Variants in MPP7 observed in about 807,000 individuals in gnomAD.
MPP7 encodes MAGUK p55 subfamily member 7.
MPP7 carries 60 observed loss-of-function variants against 76.5 expected under a neutral mutation model. The ratio of observed to expected loss-of-function variants is 0.78; its 90% CI spans 0.64 to 0.97. The LOEUF (loss-of-function observed/expected upper bound fraction) is 0.97. Among genes scored for constraint, MPP7 ranks in the 50% least tolerant of loss-of-function variants. The probability of loss-of-function intolerance (pLI) is 0.00; values close to 1 mark genes in which losing one functional copy is unlikely to be tolerated. For missense variants in MPP7, 641 were observed against 694.0 expected (o/e 0.92, Z 0.86); for synonymous variants, 237 against 244.5 (o/e 0.97, Z 0.29).
intron 2 of MPP7, among the ~76,000 whole-genome samples, chr10:28,315,960 T>C (rs1834315873): frequency 6.6e-6 from 1 of 152,088 alleles, no homozygotes; most frequent in Admixed American, 6.5e-5. Context: ...CAAATGCCAA[T>C]CAAGGGGCAT....
At chr10:28,113,092 C>T (rs1472936686) in intron 11 of MPP7, among the ~76,000 whole-genome samples, 1 of 152,148 alleles carries the variant, frequency 6.6e-6, no homozygotes, top group East Asian at 1.9e-4. Context: ...GACCTCTACA[C>T]CCCACGTGGA....
At chr10:28,312,740 T>C (rs1187672542) in intron 2 of MPP7, among the ~76,000 whole-genome samples, 1 of 152,246 alleles carries the variant, frequency 6.6e-6, no homozygotes, top group Non-Finnish European at 1.5e-5. Flanking sequence ...GTCATCTTTG[T>C]ACTTACCATG....
intron 1 of MPP7, among the ~76,000 whole-genome samples, chr10:28,272,909 G>GTTT (rs74345938): frequency 6.6e-6 from 1 of 151,588 alleles, no homozygotes; most frequent in Non-Finnish European, 1.5e-5. Flanking sequence ...AAAATGGTTT[G>GTTT]TTTTTTTTGT....
intron 3 of MPP7, among the ~76,000 whole-genome samples, chr10:28,173,479 T>C (rs1376513678): frequency 3.3e-5 from 5 of 152,170 alleles, no homozygotes; most frequent in Non-Finnish European, 5.9e-5. Context: ...AAGTGCACAA[T>C]ACTGCAGTAA....
intron 1 of MPP7, among the ~76,000 whole-genome samples, chr10:28,277,168 C>G (rs990855912): frequency 2.6e-5 from 4 of 151,892 alleles, no homozygotes; most frequent in Non-Finnish European, 5.9e-5. Context: ...ACCTGGGAGA[C>G]ACAGCAAGAT....
intron 2 of MPP7, among the ~76,000 whole-genome samples, chr10:28,227,293 C>T (rs529906311): frequency 2.0e-5 from 3 of 152,150 alleles, no homozygotes; most frequent in African/African-American, 7.2e-5. Context: ...ACATGGATAA[C>T]GATCTTTTTT....
intron 1 of MPP7, among the ~76,000 whole-genome samples, chr10:28,246,503 T>C (rs1471803423): frequency 6.6e-6 from 1 of 152,090 alleles, no homozygotes; most frequent in Non-Finnish European, 1.5e-5. Context: ...CACATGAAAA[T>C]ATAAAGCTCT....
Position 28,272,024 on chromosome 10 carries a change from T to G in MPP7, c.-132+30837A>C, listed in dbSNP as rs116347123. ...TGGGGCACTTACAAGGATGCATGTT[T>G]GAATAAAAAGCCAGCTCACTGCAGC... On this transcript the variant is annotated intron_variant, in intron 1 of 16. Transcript: ENST00000683449. 6.0e-3 allele frequency among the ~76,000 whole-genome samples: 909 copies of G among 152,110 alleles called. 10 individuals are homozygous for G. The highest frequency in any genetic ancestry group is 0.019 in the African/African-American group (795 of 41,524).
At chr10:28,117,756 C>T (rs1379541839) in intron 11 of MPP7, among the ~76,000 whole-genome samples, 4 of 152,076 alleles carry the variant, frequency 2.6e-5, no homozygotes, top group African/African-American at 9.7e-5. Context: ...AGAATAAAGA[C>T]ATTAGCTGCC....
intron 11 of MPP7, among the ~76,000 whole-genome samples, chr10:28,115,311 G>A (rs1834632793): frequency 6.6e-6 from 1 of 152,070 alleles, no homozygotes; most frequent in African/African-American, 2.4e-5. Flanking sequence ...CACTATGTTG[G>A]TTAGGCTGGT....
chr10:28,143,871 G>C (rs1173512917), intron 5 of MPP7, among the ~76,000 whole-genome samples: 17 of 141,280 alleles, frequency 1.2e-4, no homozygotes, highest in African/African-American at 4.6e-4. Flanking sequence ...GTGTGTGTGT[G>C]TGTGTGTGTG....
rs183384810 is a variant in MPP7 at position 28,059,460 on chromosome 10, A to G, written c.1298+190T>C. On this transcript the variant is annotated intron_variant, in intron 14 of 16. Coordinates refer to ENST00000683449, the MANE Select transcript of MPP7 (RefSeq NM_001318170.2). Reference sequence around the variant, plus strand: ...CATTTTATAGAAATGAAGCAAATCCAGGTTACTAAAAAATTAGAGGTGAAG... The same window carrying G: ...CATTTTATAGAAATGAAGCAAATCCGGGTTACTAAAAAATTAGAGGTGAAG... The G allele has an allele frequency of 2.2e-5, 11 of 495,426 alleles. No homozygotes were observed. The East Asian group carries it at 3.8e-4, about 17-fold the overall frequency. 30.7% of individuals were successfully genotyped at this position (495,426 alleles called of 1,614,324 possible).
chr10:28,098,899 C>T (rs1853688975), intron 11 of MPP7, among the ~76,000 whole-genome samples: 1 of 151,796 alleles, frequency 6.6e-6, no homozygotes, highest in Admixed American at 6.6e-5. Context: ...AGAAGTCTCA[C>T]CTAAGTAGTA....
intron 2 of MPP7, among the ~76,000 whole-genome samples, chr10:28,318,692 TAAAAG>T (rs1022735778): frequency 6.6e-6 from 1 of 151,998 alleles, no homozygotes; most frequent in African/African-American, 2.4e-5. Flanking sequence ...TATCAAAAAA[TAAAAG>T]AAAAGAAAAG....
chr10:28,173,080 G>A (rs1836737599), intron 3 of MPP7, among the ~76,000 whole-genome samples: 1 of 152,026 alleles, frequency 6.6e-6, no homozygotes, highest in African/African-American at 2.4e-5. Context: ...TAAGCCGGGG[G>A]AGGAACAACA....
In MPP7 at chr10:28,051,168, T is replaced by C. The variant is rs1241221377; in HGVS notation, c.*2897A>G. 5 of 152,188 alleles carry C rather than the reference T, an allele frequency of 3.3e-5. No individual in the cohort carries two copies. The highest frequency in any genetic ancestry group is 2.9e-5 in the Non-Finnish European group (2 of 68,018). The allele number at this position is 152,188 out of a possible 1,614,324, so 9.4% of individuals were successfully genotyped here. On this transcript the variant is annotated 3_prime_UTR_variant, in exon 17 of 17. Coordinates refer to ENST00000683449, the MANE Select transcript of MPP7 (RefSeq NM_001318170.2). ...AGTGCAAAAACAATTTTCAAGTAAG[T>C]ACACACACTGTTTGAAGGTACTTTA... is the stretch of plus-strand genomic sequence containing the variant.
chr10:28,070,104 C>G (rs1239734868), intron 12 of MPP7, among the ~76,000 whole-genome samples: 1 of 152,154 alleles, frequency 6.6e-6, no homozygotes, highest in East Asian at 1.9e-4. Context: ...GAGATATGTT[C>G]TAGAGTATTT....
At chr10:28,305,926 T>G (rs748284250), upstream of MPP7, 2 of 152,200 alleles carry the variant, frequency 1.3e-5, no homozygotes, top group Non-Finnish European at 2.9e-5. Context: ...AAATAGTAAA[T>G]GCCCACTTTC....
intron 13 of MPP7, among the ~76,000 whole-genome samples, chr10:28,063,014 C>T (rs1588712508): frequency 6.6e-6 from 1 of 151,854 alleles, no homozygotes; most frequent in Non-Finnish European, 1.5e-5. Flanking sequence ...AAATTAAACA[C>T]TTTTGCTTTT....
Sources: gnomAD v4.1 joint callset for allele counts (sites outside exome capture counted in the v4.1 genomes callset) on GRCh38, gnomAD v4.1.1 for gene constraint, MANE v1.5 for transcripts, NCBI Gene and HGNC (gene_info 2026-07-23, HGNC 2026-07-21) for gene names.